GPAT2: variants seen among roughly 807,000 people sequenced by gnomAD.
The protein encoded by GPAT2 is 1-acylglycerol-3-phosphate O-acyltransferase GPAT2.
GPAT2 carries 51 observed loss-of-function variants against 71.0 expected under a neutral mutation model. The observed-to-expected ratio is 0.72, with a 90% CI of 0.57 to 0.91. The LOEUF is 0.91. Ranked by LOEUF, GPAT2 falls within the 40% of genes least tolerant of loss-of-function variation. The pLI is 0.00. For missense variants in GPAT2, 511 were observed against 666.0 expected (o/e 0.77, Z 2.56); for synonymous variants, 222 against 290.3 (o/e 0.76, Z 2.39).
rs1315969037 is a variant in GPAT2, at chr2:96,022,741, G to A, written c.2234-18C>T. 6.2e-7 allele frequency: 1 copy of A among 1,614,008 alleles called. No homozygotes were observed. Among genetic ancestry groups the A allele is most frequent in the Non-Finnish European group, 8.5e-7 (1 of 1,179,866 alleles). ...CGCACACTCTGGAAAGAAGAGAGAA[G>A]TGAAGGCTCTAGGTAGGGAGAACAG... On this transcript the variant is annotated intron_variant, in intron 20 of 21. Coordinates refer to ENST00000434632, the MANE Select transcript of GPAT2 (RefSeq NM_001321527.2).
intron 1 of GPAT2, among the ~76,000 whole-genome samples, chr2:96,033,964 T>C (rs1333681169): frequency 2.0e-5 from 3 of 151,142 alleles, no homozygotes; most frequent in African/African-American, 7.3e-5. Context: ...CATAGACACA[T>C]ATATATACAC....
At position 96,024,426 on chromosome 2, in the gene GPAT2, C is replaced by A; in HGVS notation, c.1687+1G>T. 6.2e-7 allele frequency: 1 copy of A among 1,613,416 alleles called. No individual in the cohort carries two copies. The highest frequency in any genetic ancestry group is 1.1e-5 in the South Asian group (1 of 91,052). ...CCTACCCCGTGCACCTCAAGACTCACCGCCCACAGCCTCGCTCAGGAAGAC... is the reference window on the plus strand; with the variant it reads ...CCTACCCCGTGCACCTCAAGACTCAACGCCCACAGCCTCGCTCAGGAAGAC... On this transcript the variant is annotated splice_donor_variant, in intron 15 of 21. Coordinates refer to ENST00000434632, the MANE Select transcript of GPAT2 (RefSeq NM_001321527.2). LOFTEE classifies it high-confidence loss of function.
Position 96,022,850 on chromosome 2 carries a change from T to C in GPAT2, c.2233+108A>G, listed in dbSNP as rs1679841009. The C allele has an allele frequency of 1.9e-6, 3 of 1,612,054 alleles. No homozygotes were observed. The Admixed American group carries it at 5.0e-5, about 27-fold the overall frequency. ...GCTCTGACTGGACAGAAGACTGTACTCTGCAGCCTGCCTTCCTAGAGTTGG... is the reference window on the plus strand; with the variant it reads ...GCTCTGACTGGACAGAAGACTGTACCCTGCAGCCTGCCTTCCTAGAGTTGG... On this transcript the variant is annotated intron_variant, in intron 20 of 21. Transcript: ENST00000434632.
chr2:96,023,772 A>T, intron 17 of GPAT2, 151 bp downstream of exon 17: 1 of 1,391,946 alleles, frequency 7.2e-7, no homozygotes, highest in Non-Finnish European at 9.6e-7. Flanking sequence ...CAGAGGTGCG[A>T]GCTAGGCTTC....
chr2:96,024,475 G>T lies in GPAT2; in HGVS notation c.1639C>A (p.Gln547Lys), dbSNP rs1351069042. Residue 547 changes from glutamine (Q) to lysine (K), a missense_variant, in exon 15 of 22, where the codon CAA becomes AAA. By Grantham distance (53) the Gln-to-Lys change is moderately conservative. Transcript: ENST00000434632. ...ACGGGCAGCAGCTCAGCACTCAGTT[G>T]TGCCAGGTGTGTGAGGCCTGGGCCA... ...QPGPGLTHLA[Q>K]LSAELLPVFL... is the part of the protein sequence containing the mutation. 1.2e-6 allele frequency: 2 copies of T among 1,614,028 alleles called. No homozygotes were observed. The highest frequency in any genetic ancestry group is 1.7e-6 in the Non-Finnish European group (2 of 1,179,970).
Position 96,024,671 on chromosome 2 carries a change from C to T in GPAT2, c.1443G>A (p.Ser481=), listed in dbSNP as rs368635127. 3.1e-5 allele frequency: 50 copies of T among 1,613,866 alleles called. No individual in the cohort carries two copies. In the East Asian group the frequency reaches 4.7e-4, roughly 15 times the overall value. The change falls in exon 15 of 22, where the codon TCG becomes TCA. Residue 481 remains serine, a synonymous_variant. Coordinates refer to ENST00000434632, the MANE Select transcript of GPAT2 (RefSeq NM_001321527.2). The part of the protein sequence containing the change: ...LFKHQKGVFL[S]QLLGEFSWLT... ...GCCAGGAGAACTCCCCCAGGAGCTG[C>T]GACAGGAACACACCCTGGGTGGGCA...
rs1213756299 is a variant in GPAT2, at chr2:96,023,384, C to T, written c.1971G>A (p.Leu657=). 5 of 1,614,090 alleles carry T rather than the reference C, an allele frequency of 3.1e-6. No homozygotes were observed. Among genetic ancestry groups the T allele is most frequent in the African/African-American group, 1.3e-5 (1 of 74,954 alleles). The stretch of plus-strand genomic sequence containing the variant: ...TAAAGTCCCCACTCGGTTTCCACAG[C>T]AGCTTTCTGCTCAATCGCTGTCGCC... ...DTGRQRLSRK[L]LWKPSGDFTD... The change falls in exon 18 of 22, where the codon CTG becomes CTA. Residue 657 remains leucine (L), a synonymous_variant. Transcript: ENST00000434632.
At chr2:96,032,531 CA>C in intron 1 of GPAT2, 112 bp from the exon 2 acceptor site, 1 of 727,326 alleles carries the variant, frequency 1.4e-6, no homozygotes, top group Non-Finnish European at 2.0e-6. Context: ...TCACTTAGGC[CA>C]TTAGTGGTGA....
Position 96,026,292 on chromosome 2 carries a change from A to T in GPAT2, c.1046T>A (p.Leu349Gln), listed in dbSNP as rs776807141. 6.5e-7 allele frequency: 1 copy of T among 1,547,624 alleles called. No homozygotes were observed. Among genetic ancestry groups the T allele is most frequent in the Non-Finnish European group, 8.7e-7 (1 of 1,151,380 alleles). The change falls in exon 11 of 22, where the codon CTG (leucine) becomes CAG (glutamine). Residue 349 changes from leucine to glutamine, a missense_variant. Leu to Gln is a moderately radical substitution (Grantham distance 113, BLOSUM62 -2). Around this residue, in one of 7 missense-constraint regions of GPAT2, gnomAD observed 79 missense variants for 111.4 expected, o/e 0.71. Coordinates refer to ENST00000434632, the MANE Select transcript of GPAT2 (RefSeq NM_001321527.2). The stretch of plus-strand genomic sequence containing the variant: ...AGCCAGAGCTCCTGTCCACAGCCCC[A>T]GGGGGGCCGAGGCCTGCAAGGAGGG... ...PCDIDHASAPLGLWTGALAVL... is the reference protein window; with the variant it reads ...PCDIDHASAPQGLWTGALAVL...
intron 17 of GPAT2, 144 bp from the exon 18 acceptor site, chr2:96,023,584 G>C: frequency 1.2e-6 from 1 of 868,394 alleles, no homozygotes; most frequent in Admixed American, 2.6e-5. Flanking sequence ...AGCACCTGCT[G>C]GGCCAACTTG....
At chr2:96,023,527 G>C in intron 17 of GPAT2, 87 bp from the exon 18 acceptor site, 1 of 1,420,024 alleles carries the variant, frequency 7.0e-7, no homozygotes, top group Non-Finnish European at 9.8e-7. Flanking sequence ...GGTGAAACCA[G>C]TAAAAGCAGA....
At position 96,022,262 on chromosome 2, in the gene GPAT2, G is replaced by A. The variant is rs767607441; in HGVS notation, c.2303C>T (p.Thr768Met). ...TFRDLGVLQQ[T>M]PSPAGPRLHL... ...GAGCCTGGGGCCTGCAGGGCTCGGC[G>A]TCTGCTGCAGAACCTGGGCCATGGA... The change falls in exon 22 of 22, where the codon ACG becomes ATG. Residue 768 changes from threonine (T) to methionine (M), a missense_variant. Physicochemically the swap from Thr to Met is moderately conservative, Grantham distance 81 (BLOSUM62 -1). Coordinates refer to ENST00000434632, the MANE Select transcript of GPAT2 (RefSeq NM_001321527.2). 43 of 1,597,956 alleles carry A rather than the reference G, an allele frequency of 2.7e-5. No individual in the cohort carries two copies. Among genetic ancestry groups the A allele is most frequent in the Admixed American group, 1.2e-4 (7 of 57,576 alleles).
In GPAT2 at chr2:96,032,064, C is replaced by T. The variant is rs373302527; in HGVS notation, c.146G>A (p.Arg49His). ...FLGKYRPFVG[R>H]CCQTCTPKSW... ...CTTGGGGGTGCAGGTCTGGCAACAG[C>T]GACCCACAAAGGGGCGATACTTCCC... Residue 49 changes from arginine (R) to histidine (H), a missense_variant, in exon 3 of 22, where the codon CGC becomes CAC. Physicochemically the swap from Arg to His is conservative, Grantham distance 29. This residue lies in a region of GPAT2 where 21 missense variants were observed against 71.6 expected (regional missense o/e 0.29). Coordinates refer to ENST00000434632, the MANE Select transcript of GPAT2 (RefSeq NM_001321527.2). The T allele has an allele frequency of 7.0e-5, 108 of 1,541,826 alleles. 15 individuals carry two copies. The highest frequency in any genetic ancestry group is 1.1e-4 in the East Asian group (5 of 44,850).
In GPAT2 at chr2:96,024,759, A is replaced by G. The variant is rs1165769745; in HGVS notation, c.1428+14T>C. 1 of 1,613,718 alleles carries G rather than the reference A, an allele frequency of 6.2e-7. No homozygotes were observed. The highest frequency in any genetic ancestry group is 8.5e-7 in the Non-Finnish European group (1 of 1,179,848). On this transcript the variant is annotated intron_variant, in intron 14 of 21. Coordinates refer to ENST00000434632, the MANE Select transcript of GPAT2 (RefSeq NM_001321527.2). ...CCCCCACCGCCCAGGTCCCCACCAC[A>G]TTGCACCCCCTACCTTCTGATGCTT...
At position 96,023,112 on chromosome 2, in the gene GPAT2, C is replaced by T. The variant is rs1317403726; in HGVS notation, c.2161G>A (p.Asp721Asn). ...AAFLRQGQLP[D>N]TELGYTEQLF... Reference sequence around the variant, plus strand: ...AAGGGAACAAGGGCCTCACCAGTATCGGGCAGCTGGCCCTGGCGGAGGAAG... The same window carrying T: ...AAGGGAACAAGGGCCTCACCAGTATTGGGCAGCTGGCCCTGGCGGAGGAAG... Residue 721 changes from aspartate (D) to asparagine (N), a missense_variant, in exon 19 of 22, where the codon GAT becomes AAT. Physicochemically the swap from Asp to Asn is conservative, Grantham distance 23. This residue lies in a region of GPAT2 where 108 missense variants were observed against 117.6 expected (regional missense o/e 0.92). Transcript: ENST00000434632. 19 of 1,611,816 alleles carry T rather than the reference C, an allele frequency of 1.2e-5. No homozygotes were observed. Among genetic ancestry groups the T allele is most frequent in the Non-Finnish European group, 1.4e-5 (16 of 1,178,332 alleles).
In GPAT2 at chr2:96,024,768, C is replaced by T; in HGVS notation, c.1428+5G>A. ...CCCAGGTCCCCACCACATTGCACCC[C>T]CTACCTTCTGATGCTTGAAGAGCAG... On this transcript the variant is annotated splice_donor_5th_base_variant and intron_variant, in intron 14 of 21. Transcript: ENST00000434632. 1 of 1,614,020 alleles carries T rather than the reference C, an allele frequency of 6.2e-7. No individual in the cohort carries two copies. Among genetic ancestry groups the T allele is most frequent in the Non-Finnish European group, 8.5e-7 (1 of 1,179,976 alleles).
chr2:96,024,301 G>A lies in GPAT2; in HGVS notation c.1724C>T (p.Pro575Leu), dbSNP rs1046030177. 14 of 1,562,208 alleles carry A rather than the reference G, an allele frequency of 9.0e-6. No individual in the cohort carries two copies. The highest frequency in any genetic ancestry group is 3.4e-4 in the Middle Eastern group (2 of 5,826). Residue 575 changes from proline (P) to leucine (L), a missense_variant, in exon 16 of 22, where the codon CCG becomes CTG. Physicochemically the swap from Pro to Leu is moderately conservative, Grantham distance 98. This residue lies in a region of GPAT2 where 295 missense variants were observed against 305.5 expected (regional missense o/e 0.97). Transcript: ENST00000434632. ...CTGCAGCTCCCAGGGCCCCTGGGGC[G>A]GCACTCTGCCTGCCAGCAGCCCCCG... Reference protein sequence around the residue: ...AVRGLLAGRVPPQGPWELQGI... With the variant: ...AVRGLLAGRVLPQGPWELQGI...
At chr2:96,025,425 C>T in intron 13 of GPAT2, 60 bp downstream of exon 13, 1 of 1,542,654 alleles carries the variant, frequency 6.5e-7, no homozygotes, top group South Asian at 1.2e-5. Context: ...GACTGGCTGA[C>T]CCCGAGAGGG....
At position 96,026,263 on chromosome 2, in the gene GPAT2, G is replaced by A. The variant is rs1680401265; in HGVS notation, c.1075C>T (p.Leu359=). The A allele has an allele frequency of 6.2e-7, 1 of 1,605,910 alleles. No individual in the cohort carries two copies. The highest frequency in any genetic ancestry group is 1.7e-5 in the Admixed American group (1 of 58,974). The change falls in exon 11 of 22, where the codon CTA becomes TTA. Residue 359 remains leucine, a synonymous_variant. Transcript: ENST00000434632. Reference sequence around the variant, plus strand: ...CCCCAGCGGCTCCACAAGCTACGTAGGACAGCCAGAGCTCCTGTCCACAGC... The same window carrying A: ...CCCCAGCGGCTCCACAAGCTACGTAAGACAGCCAGAGCTCCTGTCCACAGC... The part of the protein sequence containing the change: ...LGLWTGALAV[L]RSLWSRWGCS...
Sources: allele counts gnomAD v4.1 joint callset (sites outside exome capture counted in the v4.1 genomes callset), GRCh38; gene constraint gnomAD v4.1.1; regional missense constraint gnomAD v4.1.1; transcripts MANE v1.5; gene names NCBI Gene and HGNC (gene_info 2026-07-23, HGNC 2026-07-21).